The following ENPP6 variants were observed in gnomAD, a reference collection of about 807,000 sequenced individuals.
ENPP6 encodes the protein glycerophosphocholine cholinephosphodiesterase ENPP6.
ENPP6 carries 32 observed loss-of-function variants against 42.0 expected under a neutral mutation model. That is an observed-to-expected ratio of 0.76 (90% CI 0.58 to 1.02). The LOEUF (loss-of-function observed/expected upper bound fraction) is 1.02. Among genes scored for constraint, ENPP6 ranks in the 50% least tolerant of loss-of-function variants. ENPP6 has a pLI of 0.00. For synonymous variants in ENPP6, 213 were observed against 216.0 expected, an observed-to-expected ratio of 0.99 and a Z score of 0.12; for missense variants, 552 against 566.8, an observed-to-expected ratio of 0.97 and a Z score of 0.27.
chr4:184,119,658 T>A (rs1247161100), intron 3 of ENPP6, among the ~76,000 whole-genome samples: 5 of 152,124 alleles, frequency 3.3e-5, no homozygotes, highest in Non-Finnish European at 7.4e-5. Flanking sequence ...CCCACCCAAA[T>A]CTCATCTTGA....
rs1395429442 is a variant in ENPP6, at chr4:184,158,758, AG to A, written c.242-5026del. On this transcript the variant is annotated intron_variant, in intron 1 of 7. Coordinates refer to ENST00000296741, the MANE Select transcript of ENPP6 (RefSeq NM_153343.4). ...GCTTTCAATGTCATAAAATAGCTCC[AG>A]GGGTTCTTTAATGTGAAGTTTTTGC... Among the ~76,000 whole-genome samples, 16 of 152,308 alleles carry A rather than the reference AG, an allele frequency of 1.1e-4. 1 individual carries two copies. In the South Asian group the frequency reaches 2.3e-3, roughly 22 times the overall value.
At chr4:184,106,654 C>G (rs1560979591) in intron 6 of ENPP6, among the ~76,000 whole-genome samples, 1 of 152,162 alleles carries the variant, frequency 6.6e-6, no homozygotes. Flanking sequence ...CTGTTGCCCC[C>G]ACCCCAGTAC....
intron 2 of ENPP6, among the ~76,000 whole-genome samples, chr4:184,152,150 C>T (rs1737062370): frequency 6.6e-6 from 1 of 152,194 alleles, no homozygotes; most frequent in South Asian, 2.1e-4. Flanking sequence ...GGTGAGGCCA[C>T]TGCTCTGCAG....
chr4:184,124,408 T>C, intron 2 of ENPP6, 136 bp from the exon 3 acceptor site: 1 of 625,698 alleles, frequency 1.6e-6, no homozygotes, highest in East Asian at 2.9e-5. Context: ...CTAAAATAAC[T>C]TATTGCTAAT....
At chr4:184,204,570 C>T (rs1001487425) in intron 1 of ENPP6, among the ~76,000 whole-genome samples, 1 of 152,198 alleles carries the variant, frequency 6.6e-6, no homozygotes, top group Non-Finnish European at 1.5e-5. Flanking sequence ...TACAAGGAGG[C>T]TCTCCCTTGG....
At chr4:184,093,671 A>AATAATAATAATG (rs1214420607) in intron 7 of ENPP6, among the ~76,000 whole-genome samples, 1 of 147,654 alleles carries the variant, frequency 6.8e-6, no homozygotes, top group Non-Finnish European at 1.5e-5. Context: ...TAATAATAAT[A>AATAATAATAATG]ATAATAATAA....
intron 1 of ENPP6, among the ~76,000 whole-genome samples, chr4:184,174,758 C>T (rs1225669354): frequency 3.3e-5 from 3 of 89,902 alleles, no homozygotes; most frequent in African/African-American, 6.9e-5. Context: ...TGTTCAGAGA[C>T]GTTGCACGAT....
chr4:184,096,855 C>T (rs1248372689), intron 7 of ENPP6, among the ~76,000 whole-genome samples: 3 of 151,896 alleles, frequency 2.0e-5, no homozygotes, highest in Admixed American at 1.3e-4. Context: ...AGAGCCAGAC[C>T]CCGAGAAGCG....
Position 184,090,889 on chromosome 4 carries a change from C to T in ENPP6, c.*288G>A. On this transcript the variant is annotated 3_prime_UTR_variant, in exon 8 of 8. Transcript: ENST00000296741. ...GTTTGGTTGCTGCAGGAGCAGGTCCCTGCTCAGAGAGTTCATCCTGAGTAA... is the reference window on the plus strand; with the variant it reads ...GTTTGGTTGCTGCAGGAGCAGGTCCTTGCTCAGAGAGTTCATCCTGAGTAA... 2.3e-6 allele frequency: 1 copy of T among 439,768 alleles called. No individual in the cohort carries two copies. The highest frequency in any genetic ancestry group is 4.0e-6 in the Non-Finnish European group (1 of 251,684). The allele number at this position is 439,768 out of a possible 1,614,324, so 27.2% of individuals were successfully genotyped here.
chr4:184,140,296 T>A (rs1285081166), intron 2 of ENPP6, among the ~76,000 whole-genome samples: 5 of 151,146 alleles, frequency 3.3e-5, no homozygotes, highest in Non-Finnish European at 5.9e-5. Flanking sequence ...ATCAATATCG[T>A]GAAAATGGCC....
chr4:184,131,141 C>CTTTT (rs1553995987), intron 2 of ENPP6, among the ~76,000 whole-genome samples: 1 of 13,100 alleles, frequency 7.6e-5, no homozygotes, highest in Non-Finnish European at 1.6e-4. Flanking sequence ...CCAGCACTTA[C>CTTTT]TTTCTTTCTT....
chr4:184,193,894 A>G (rs1326079649), intron 1 of ENPP6, among the ~76,000 whole-genome samples: 1 of 152,046 alleles, frequency 6.6e-6, no homozygotes, highest in African/African-American at 2.4e-5. Flanking sequence ...TTCATTTCTT[A>G]TATTCTTTAA....
chr4:184,117,164 T>A (rs572870213), intron 4 of ENPP6, 129 bp from the exon 5 acceptor site: 1 of 1,187,132 alleles, frequency 8.4e-7, no homozygotes, highest in Non-Finnish European at 1.2e-6. Flanking sequence ...TCTACTATTT[T>A]GCCCTGGTGA....
chr4:184,130,276 T>C (rs1300090265), intron 2 of ENPP6, among the ~76,000 whole-genome samples: 2 of 151,978 alleles, frequency 1.3e-5, no homozygotes, highest in Non-Finnish European at 2.9e-5. Flanking sequence ...GCCTGGGTTT[T>C]GGCCGGGCGC....
chr4:184,110,150 C>T lies in ENPP6; in HGVS notation c.993+2522G>A, dbSNP rs114967441. ...CCAGTCAGAATGGTGCAGAGGCTGC[C>T]GTTTGTTCTTGCTCTCCCCTCACCC... On this transcript the variant is annotated intron_variant, in intron 6 of 7. Transcript: ENST00000296741. Among the ~76,000 whole-genome samples, 719 of 152,286 alleles carry T rather than the reference C, an allele frequency of 4.7e-3. 8 individuals are homozygous for T. Among genetic ancestry groups the T allele is most frequent in the Middle Eastern group, 0.014 (4 of 294 alleles).
At chr4:184,189,662 A>G (rs1439580329) in intron 1 of ENPP6, among the ~76,000 whole-genome samples, 1 of 152,214 alleles carries the variant, frequency 6.6e-6, no homozygotes, top group Non-Finnish European at 1.5e-5. Context: ...AGGACCCTGC[A>G]GGAATGTTCA....
intron 1 of ENPP6, among the ~76,000 whole-genome samples, chr4:184,176,264 T>C (rs1170995247): frequency 6.6e-6 from 1 of 152,206 alleles, no homozygotes; most frequent in African/African-American, 2.4e-5. Flanking sequence ...GTCTTCATCG[T>C]TACAGCTAAC....
chr4:184,208,861 G>A (rs1733053807), intron 1 of ENPP6, among the ~76,000 whole-genome samples: 2 of 142,582 alleles, frequency 1.4e-5, no homozygotes, highest in African/African-American at 5.1e-5. Context: ...AGAGAGCAGT[G>A]GTTCTCCCAG....
chr4:184,113,016 A>T (rs1409180172), intron 5 of ENPP6, among the ~76,000 whole-genome samples: 1 of 152,192 alleles, frequency 6.6e-6, no homozygotes, highest in African/African-American at 2.4e-5. Context: ...AGATCCTCAC[A>T]CTCTCTCACC....
Sources: allele counts gnomAD v4.1 joint callset (sites outside exome capture counted in the v4.1 genomes callset), GRCh38; gene constraint gnomAD v4.1.1; transcripts MANE v1.5; gene names NCBI Gene and HGNC (gene_info 2026-07-23, HGNC 2026-07-21).